The following DAB2 variants were observed in gnomAD, a reference collection of about 807,000 sequenced individuals.
DAB2 encodes disabled homolog 2.
A neutral mutation model predicts 71.6 loss-of-function variants in DAB2; 28 were observed. The observed-to-expected ratio is 0.39, with a 90% CI of 0.29 to 0.54. DAB2 has a LOEUF of 0.54. Among genes scored for constraint, DAB2 ranks in the 20% least tolerant of loss-of-function variants. The pLI is 0.68. For synonymous variants in DAB2, 345 were observed against 339.7 expected (o/e 1.02, Z -0.17); for missense variants, 867 against 928.8 (o/e 0.93, Z 0.86).
At chr5:39,420,870 G>A (rs1755965973) in intron 1 of DAB2, among the ~76,000 whole-genome samples, 1 of 152,142 alleles carries the variant, frequency 6.6e-6, no homozygotes, top group South Asian at 2.1e-4. Context: ...GCGGGAAGGG[G>A]AGTAACCATG....
At chr5:39,412,727 T>A (rs1755759839) in intron 1 of DAB2, among the ~76,000 whole-genome samples, 1 of 152,162 alleles carries the variant, frequency 6.6e-6, no homozygotes, top group Non-Finnish European at 1.5e-5. Flanking sequence ...GACATTATCA[T>A]TTAATCCTGG....
At chr5:39,379,269 C>T (rs898252658) in intron 11 of DAB2, among the ~76,000 whole-genome samples, 2 of 151,918 alleles carry the variant, frequency 1.3e-5, no homozygotes, top group African/African-American at 2.4e-5. Flanking sequence ...ACCTGGCCAA[C>T]GTGGCGAAAC....
intron 1 of DAB2, among the ~76,000 whole-genome samples, chr5:39,400,802 A>C (rs1233820181): frequency 2.0e-5 from 3 of 152,210 alleles, no homozygotes; most frequent in Non-Finnish European, 4.4e-5. Flanking sequence ...AGGAGACTCA[A>C]GAAGAAAGCA....
intron 8 of DAB2, 123 bp downstream of exon 8, chr5:39,388,676 A>C (rs1755153375): frequency 2.5e-6 from 2 of 790,920 alleles, no homozygotes; most frequent in Non-Finnish European, 2.0e-6. Flanking sequence ...ATTTTGAAAA[A>C]CAGTTGTCTC....
rs1561371471 is a variant in DAB2 at position 39,391,976 on chromosome 5, A to AT, written c.330+388_330+389insA. Among the ~76,000 whole-genome samples, 165 of 132,782 alleles carry AT rather than the reference A, an allele frequency of 1.2e-3. 1 individual carries two copies. The highest frequency in any genetic ancestry group is 3.8e-3 in the African/African-American group (146 of 38,078). 87.1% of individuals were successfully genotyped at this position (132,782 alleles called of 152,430 possible). On this transcript the variant is annotated intron_variant, in intron 4 of 14. Coordinates refer to ENST00000320816, the MANE Select transcript of DAB2 (RefSeq NM_001343.4). ...TGTATACCCGAGGTCAAAAAAAAAA[A>AT]AAAAAATATATATATATAGAAGTTT...
At chr5:39,424,451 G>A (rs1756055631) in intron 1 of DAB2, among the ~76,000 whole-genome samples, 2 of 147,680 alleles carry the variant, frequency 1.4e-5, no homozygotes, top group Admixed American at 1.4e-4. Context: ...TGTCCTAGGA[G>A]GGCTGCCCGC....
At chr5:39,408,349 T>TG (rs1373650546) in intron 1 of DAB2, 1 of 152,248 alleles carries the variant, frequency 6.6e-6, no homozygotes, top group African/African-American at 2.4e-5. Context: ...AGGTTCTAGG[T>TG]GGCATGTCCT....
intron 9 of DAB2, among the ~76,000 whole-genome samples, chr5:39,383,816 C>T (rs1755035696): frequency 6.6e-6 from 1 of 152,148 alleles, no homozygotes; most frequent in African/African-American, 2.4e-5. Flanking sequence ...ATAGTTCTGG[C>T]TGTGATGAAA....
chr5:39,402,311 C>G (rs1216836056), intron 1 of DAB2, among the ~76,000 whole-genome samples: 1 of 152,170 alleles, frequency 6.6e-6, no homozygotes, highest in Non-Finnish European at 1.5e-5. Context: ...GTCTTGTGCT[C>G]TTTCCAACAT....
chr5:39,411,670 C>T (rs1203870109), intron 1 of DAB2, among the ~76,000 whole-genome samples: 1 of 152,168 alleles, frequency 6.6e-6, no homozygotes, highest in African/African-American at 2.4e-5. Flanking sequence ...TGTGCAAAGA[C>T]AAGTCTTCTT....
chr5:39,384,697 A>T (rs1320481614), intron 9 of DAB2, among the ~76,000 whole-genome samples: 1 of 152,136 alleles, frequency 6.6e-6, no homozygotes, highest in East Asian at 1.9e-4. Flanking sequence ...TCTTTATTCC[A>T]GTAAAAGACA....
intron 1 of DAB2, among the ~76,000 whole-genome samples, chr5:39,410,573 T>G (rs1315324785): frequency 1.3e-5 from 2 of 152,164 alleles, no homozygotes; most frequent in Non-Finnish European, 2.9e-5. Context: ...GGGCTTAACT[T>G]ATTTGACATG....
At chr5:39,420,658 T>C (rs1338629068) in intron 1 of DAB2, among the ~76,000 whole-genome samples, 1 of 152,224 alleles carries the variant, frequency 6.6e-6, no homozygotes, top group Admixed American at 6.5e-5. Flanking sequence ...TTTCATAAGC[T>C]TTCATGTTTT....
At chr5:39,424,088 T>C (rs919715707) in intron 1 of DAB2, among the ~76,000 whole-genome samples, 14 of 152,276 alleles carry the variant, frequency 9.2e-5, no homozygotes, top group African/African-American at 3.4e-4. Context: ...GAGTCAGCTC[T>C]ATGCTATGAA....
At chr5:39,410,749 A>G (rs911698043) in intron 1 of DAB2, among the ~76,000 whole-genome samples, 3 of 151,858 alleles carry the variant, frequency 2.0e-5, no homozygotes, top group Admixed American at 6.6e-5. Flanking sequence ...TACTCCTTCC[A>G]TGTTAAATGA....
At position 39,388,781 on chromosome 5, in the gene DAB2, T is replaced by C. The variant is rs780108469; in HGVS notation, c.624+18A>G. The C allele has an allele frequency of 6.2e-7, 1 of 1,604,924 alleles. No individual in the cohort carries two copies. Reference sequence around the variant, plus strand: ...TCAGATAAGTAAGAACTGTCAAACGTCACATATTAATACATACCGATTTCA... The same window carrying C: ...TCAGATAAGTAAGAACTGTCAAACGCCACATATTAATACATACCGATTTCA... On this transcript the variant is annotated intron_variant, in intron 8 of 14. Transcript: ENST00000320816.
chr5:39,390,213 T>C (rs1755192741), intron 5 of DAB2, among the ~76,000 whole-genome samples: 1 of 152,212 alleles, frequency 6.6e-6, no homozygotes, highest in South Asian at 2.1e-4. Context: ...GTGAAGTCAG[T>C]ATTCACTTTA....
At chr5:39,395,401 G>A (rs185262713) in intron 1 of DAB2, among the ~76,000 whole-genome samples, 29 of 152,260 alleles carry the variant, frequency 1.9e-4, no homozygotes, top group Middle Eastern at 3.4e-3. Flanking sequence ...TCTTCATTCC[G>A]TGCCTATACC....
chr5:39,375,714 A>G (rs62358392), intron 13 of DAB2, among the ~76,000 whole-genome samples: 5,210 of 152,038 alleles, frequency 0.034, 113 homozygotes, highest in Middle Eastern at 0.044. Context: ...GCGAGACCCC[A>G]TCTCTACAAA....
Sources: allele counts gnomAD v4.1 joint callset (sites outside exome capture counted in the v4.1 genomes callset), GRCh38; gene constraint gnomAD v4.1.1; transcripts MANE v1.5; gene names NCBI Gene and HGNC (gene_info 2026-07-23, HGNC 2026-07-21).